The following AP3D1 variants were observed in gnomAD, a reference collection of about 807,000 sequenced individuals.
AP3D1 encodes the protein adaptor related protein complex 3 subunit delta 1, also known as AP-3 complex subunit delta-1.
In AP3D1, 51 loss-of-function variants were observed where a neutral mutation model predicts 147.6. That is an observed-to-expected ratio of 0.35 (90% CI 0.28 to 0.44). The LOEUF (loss-of-function observed/expected upper bound fraction) is 0.44, where lower values mean the gene tolerates loss of function less well. Ranked by LOEUF, AP3D1 falls within the 20% of genes least tolerant of loss-of-function variation. AP3D1 has a pLI of 1.00. For missense variants in AP3D1, 1,421 were observed against 1,624.2 expected (o/e 0.87, Z 2.15); for synonymous variants, 760 against 663.0 (o/e 1.15, Z -2.25).
intron 20 of AP3D1, among the ~76,000 whole-genome samples, 172 bp downstream of exon 20, chr19:2,115,047 C>A (rs1471105887): frequency 1.3e-5 from 2 of 152,178 alleles, no homozygotes; most frequent in Non-Finnish European, 2.9e-5. Flanking sequence ...TGGGGCGGTG[C>A]GTCGGGACGC....
chr19:2,134,812 G>A (rs1464077504), intron 4 of AP3D1, among the ~76,000 whole-genome samples: 2 of 151,520 alleles, frequency 1.3e-5, no homozygotes, highest in Non-Finnish European at 2.9e-5. Context: ...TGTTGGTCAG[G>A]CTAGTCTCAA....
In AP3D1 at chr19:2,137,016, G is replaced by A. The variant is rs754787367; in HGVS notation, c.349C>T (p.Arg117Cys). The change falls in exon 4 of 32, where the codon CGT (arginine) becomes TGT (cysteine). Residue 117 changes from arginine (R) to cysteine (C), a missense_variant. Arg to Cys is a radical substitution (Grantham distance 180). Around this residue, in one of 6 missense-constraint regions of AP3D1, gnomAD observed 292 missense variants for 412.0 expected, o/e 0.71. Coordinates refer to ENST00000643116, the MANE Select transcript of AP3D1 (RefSeq NM_001261826.3). ...CCCGGCCCGGGAACACCCACCTTAC[G>A]GATCTGATTGGTGGTCAGCATGATG... is the stretch of plus-strand genomic sequence containing the variant. ...DVIMLTTNQI[R>C]KDLSSPSQYD... 16 of 1,589,232 alleles carry A rather than the reference G, an allele frequency of 1.0e-5. No homozygotes were observed. Among genetic ancestry groups the A allele is most frequent in the Admixed American group, 1.7e-5 (1 of 57,184 alleles).
At chr19:2,155,534 A>AAAC (rs1401168537), upstream of AP3D1, among the ~76,000 whole-genome samples, 1 of 149,012 alleles carries the variant, frequency 6.7e-6, no homozygotes, top group Non-Finnish European at 1.5e-5. Context: ...TCTGTCTCAA[A>AAAC]AAAAAAAAAA....
At chr19:2,138,042 T>A (rs34615083) in intron 2 of AP3D1, among the ~76,000 whole-genome samples, 5 of 152,050 alleles carry the variant, frequency 3.3e-5, no homozygotes, top group South Asian at 2.1e-4. Context: ...AGACTCAATG[T>A]CTGCAATTGG....
intron 4 of AP3D1, among the ~76,000 whole-genome samples, chr19:2,135,472 G>A (rs1014114689): frequency 6.6e-5 from 10 of 152,174 alleles, no homozygotes; most frequent in Non-Finnish European, 1.3e-4. Flanking sequence ...GGAGGCAGAG[G>A]TTGCGGTGAG....
At position 2,120,870 on chromosome 19, in the gene AP3D1, C is replaced by T. The variant is rs974427986; in HGVS notation, c.1473G>A (p.Glu491=). ...GCCCAGCGCCCACTCACTCTGAGAACTCCCCGCAGATCCAGGCGGCAGCGT... is the reference window on the plus strand; with the variant it reads ...GCCCAGCGCCCACTCACTCTGAGAATTCCCCGCAGATCCAGGCGGCAGCGT... ...VLYAAAWICG[E]FSEHLQEPHH... is the part of the protein sequence containing the mutation. The change falls in exon 14 of 32, where the codon GAG becomes GAA. Residue 491 remains glutamate (E), a synonymous_variant. Coordinates refer to ENST00000643116, the MANE Select transcript of AP3D1 (RefSeq NM_001261826.3). 7 of 1,608,070 alleles carry T rather than the reference C, an allele frequency of 4.4e-6. No individual in the cohort carries two copies. In the Admixed American group the frequency reaches 1.2e-4, roughly 27 times the overall value.
Position 2,141,066 on chromosome 19 carries a change from G to GA in AP3D1, c.97-2353dup, listed in dbSNP as rs542740567. Reference sequence around the variant, plus strand: ...GAGCCACTGCGCCCGGCCTGAATTAGAAAAAAAATGTATTAGTTGGGGTAG... The same window carrying GA: ...GAGCCACTGCGCCCGGCCTGAATTAGAAAAAAAAATGTATTAGTTGGGGTAG... On this transcript the variant is annotated intron_variant, in intron 1 of 31. Coordinates refer to ENST00000643116, the MANE Select transcript of AP3D1 (RefSeq NM_001261826.3). Among the ~76,000 whole-genome samples, 18 of 151,726 alleles carry GA rather than the reference G, an allele frequency of 1.2e-4. No homozygotes were observed. The South Asian group carries it at 3.5e-3, about 30-fold the overall frequency.
At chr19:2,110,956 C>T in intron 26 of AP3D1, 60 bp from the exon 27 acceptor site, 1 of 1,549,182 alleles carries the variant, frequency 6.5e-7, no homozygotes, top group Non-Finnish European at 8.8e-7. Flanking sequence ...ACAGGCACAG[C>T]CACCTGTCTC....
At chr19:2,147,468 A>G (rs1198069163) in intron 1 of AP3D1, among the ~76,000 whole-genome samples, 1 of 148,532 alleles carries the variant, frequency 6.7e-6, no homozygotes. Flanking sequence ...GGCAGGGAGA[A>G]CTGCTTGAAC....
At chr19:2,111,025 C>T (rs1159473175) in intron 26 of AP3D1, 129 bp from the exon 27 acceptor site, 6 of 1,112,022 alleles carry the variant, frequency 5.4e-6, no homozygotes, top group East Asian at 5.2e-5. Context: ...GAGAGGGGCG[C>T]CCCCTAGCCG....
At chr19:2,133,454 T>C (rs1386772669) in intron 4 of AP3D1, 2 of 152,088 alleles carry the variant, frequency 1.3e-5, no homozygotes, top group African/African-American at 2.4e-5. Context: ...TATATATGCA[T>C]CTACCAAGAT....
intron 31 of AP3D1, among the ~76,000 whole-genome samples, chr19:2,105,704 TTA>T (rs977287705): frequency 2.6e-5 from 4 of 152,038 alleles, no homozygotes; most frequent in African/African-American, 9.7e-5. Flanking sequence ...CGCCACTGGG[TTA>T]GGGTCTCCCT....
At chr19:2,104,897 C>T (rs2018068311) in intron 31 of AP3D1, among the ~76,000 whole-genome samples, 1 of 151,794 alleles carries the variant, frequency 6.6e-6, no homozygotes. Context: ...CTGATCTTGA[C>T]CTCCAGGGCT....
chr19:2,155,710 T>C (rs192447726), upstream of AP3D1, among the ~76,000 whole-genome samples: 103 of 152,208 alleles, frequency 6.8e-4, no homozygotes, highest in African/African-American at 2.3e-3. Context: ...GACTTTGTCC[T>C]TTTGTTTTCT....
chr19:2,159,135 A>G (rs1168129100), intron 1 of AP3D1, among the ~76,000 whole-genome samples: 5 of 151,622 alleles, frequency 3.3e-5, no homozygotes, highest in Non-Finnish European at 7.4e-5. Context: ...GATTACAGGC[A>G]CACACCACCA....
rs545181572 is a variant in AP3D1 at position 2,104,053 on chromosome 19, C to T, written c.3553-1785G>A. 2.6e-5 allele frequency among the ~76,000 whole-genome samples: 4 copies of T among 151,290 alleles called. No homozygotes were observed. The South Asian group carries it at 6.3e-4, about 24-fold the overall frequency. ...ACGCTCAAGACCCCAACACCAAGGC[C>T]GTGAGCAGACACCAACACCAAGACA... On this transcript the variant is annotated intron_variant, in intron 31 of 31. Transcript: ENST00000643116.
At chr19:2,152,284 G>A (rs548861272), upstream of AP3D1, among the ~76,000 whole-genome samples, 1 of 152,198 alleles carries the variant, frequency 6.6e-6, no homozygotes, top group African/African-American at 2.4e-5. Flanking sequence ...GCTCACGCCT[G>A]TAATCCCAGC....
chr19:2,114,825 A>G lies in AP3D1; in HGVS notation c.2350-4T>C. 1 of 1,613,888 alleles carries G rather than the reference A, an allele frequency of 6.2e-7. No homozygotes were observed. Among genetic ancestry groups the G allele is most frequent in the Non-Finnish European group, 8.5e-7 (1 of 1,179,880 alleles). ...CCTCGTCGCTGGGCAGAGCATTCTG[A>G]CAGGAAGAGAGGAACCCCATCACTG... On this transcript the variant is annotated splice_region_variant and splice_polypyrimidine_tract_variant and intron_variant, in intron 20 of 31. Transcript: ENST00000643116.
intron 23 of AP3D1, 34 bp downstream of exon 23, chr19:2,113,302 C>A: frequency 9.3e-7 from 1 of 1,079,498 alleles, no homozygotes; most frequent in South Asian, 1.5e-5. Context: ...CTGCAGACAC[C>A]GAGGCTGGCA....
Sources: gnomAD v4.1 joint callset for allele counts (sites outside exome capture counted in the v4.1 genomes callset) on GRCh38, gnomAD v4.1.1 for gene constraint, gnomAD v4.1.1 regional missense constraint, MANE v1.5 for transcripts, NCBI Gene and HGNC (gene_info 2026-07-23, HGNC 2026-07-21) for gene names.